EXT1: variants seen among roughly 807,000 people sequenced by gnomAD.
EXT1 encodes the protein exostosin-1.
Under a neutral mutation model 82.5 loss-of-function variants are expected in EXT1, and 20 were observed. That is an observed-to-expected ratio of 0.24 (90% CI 0.17 to 0.35). The LOEUF (loss-of-function observed/expected upper bound fraction) is 0.35, where lower values mean the gene tolerates loss of function less well. EXT1 is among the 10% of genes least tolerant of loss of function. The probability of loss-of-function intolerance (pLI) is 1.00; values close to 1 mark genes in which losing one functional copy is unlikely to be tolerated. For synonymous variants in EXT1, 348 were observed against 350.8 expected, an observed-to-expected ratio of 0.99 and a Z score of 0.09; for missense variants, 757 against 936.5, an observed-to-expected ratio of 0.81 and a Z score of 2.50.
chr8:117,853,373 C>T (rs10111573), intron 1 of EXT1, among the ~76,000 whole-genome samples: 14,319 of 152,074 alleles, frequency 0.094, 939 homozygotes, highest in African/African-American at 0.19. Context: ...GGTGAAACCC[C>T]CTCTCTACTA....
intron 1 of EXT1, among the ~76,000 whole-genome samples, chr8:117,974,673 C>T (rs1815029770): frequency 6.6e-6 from 1 of 152,168 alleles, no homozygotes; most frequent in Admixed American, 6.6e-5. Context: ...CATTGTGTTG[C>T]CCAGGCTGGT....
intron 1 of EXT1, among the ~76,000 whole-genome samples, chr8:117,964,042 C>T (rs1403522660): frequency 6.6e-6 from 1 of 152,126 alleles, no homozygotes; most frequent in Non-Finnish European, 1.5e-5. Context: ...ATAAAATATG[C>T]AGTATTAAGT....
chr8:117,944,109 A>T (rs1362238593), intron 1 of EXT1, among the ~76,000 whole-genome samples: 1 of 152,202 alleles, frequency 6.6e-6, no homozygotes, highest in Non-Finnish European at 1.5e-5. Context: ...ACTGTAAAAG[A>T]AGTGGAATCT....
intron 1 of EXT1, among the ~76,000 whole-genome samples, chr8:117,900,359 T>C (rs940295151): frequency 6.6e-6 from 1 of 152,226 alleles, no homozygotes; most frequent in African/African-American, 2.4e-5. Flanking sequence ...CCTCACATTG[T>C]TTTTAACAGC....
At chr8:118,004,328 T>C (rs564244064) in intron 1 of EXT1, among the ~76,000 whole-genome samples, 28 of 152,376 alleles carry the variant, frequency 1.8e-4, no homozygotes, top group African/African-American at 6.7e-4. Context: ...CATGTGGGTA[T>C]ATGCATATGT....
intron 1 of EXT1, among the ~76,000 whole-genome samples, chr8:117,939,263 C>A (rs1041136374): frequency 6.6e-6 from 1 of 152,146 alleles, no homozygotes; most frequent in Non-Finnish European, 1.5e-5. Flanking sequence ...GAAGCAGGTA[C>A]CACTGTTGTT....
chr8:117,979,941 T>C (rs1203593790), intron 1 of EXT1, among the ~76,000 whole-genome samples: 1 of 152,202 alleles, frequency 6.6e-6, no homozygotes, highest in Admixed American at 6.5e-5. Context: ...TGGGTTACTG[T>C]AGGTGTTATC....
intron 1 of EXT1, among the ~76,000 whole-genome samples, chr8:117,938,612 A>G (rs1264504492): frequency 6.6e-6 from 1 of 152,238 alleles, no homozygotes; most frequent in Non-Finnish European, 1.5e-5. Flanking sequence ...GCATCACAGA[A>G]AGTTCTCCTG....
Position 118,111,069 on chromosome 8 carries a change from A to G in EXT1, c.-23T>C. 1 of 1,571,006 alleles carries G rather than the reference A, an allele frequency of 6.4e-7. No individual in the cohort carries two copies. The highest frequency in any genetic ancestry group is 1.3e-5 in the African/African-American group (1 of 74,260). On this transcript the variant is annotated 5_prime_UTR_variant, in exon 1 of 11. Transcript: ENST00000378204. ...CATGTGTCCTGCCTGGGTCAAGAGGATTGTAAATAAACACAAGAATCACCC... is the reference window on the plus strand; with the variant it reads ...CATGTGTCCTGCCTGGGTCAAGAGGGTTGTAAATAAACACAAGAATCACCC...
intron 1 of EXT1, among the ~76,000 whole-genome samples, chr8:118,036,903 C>A (rs976312743): frequency 6.6e-6 from 1 of 152,082 alleles, no homozygotes; most frequent in Non-Finnish European, 1.5e-5. Context: ...TTCTCTTTTT[C>A]TTTTCTTCCC....
intron 7 of EXT1, among the ~76,000 whole-genome samples, chr8:117,813,475 C>A (rs1245001646): frequency 1.3e-5 from 2 of 149,004 alleles, no homozygotes; most frequent in Non-Finnish European, 3.0e-5. Flanking sequence ...GACACCCACT[C>A]TTCCCAACCG....
intron 1 of EXT1, among the ~76,000 whole-genome samples, chr8:118,004,698 C>T (rs986558935): frequency 2.0e-5 from 3 of 152,196 alleles, no homozygotes; most frequent in African/African-American, 7.2e-5. Context: ...ACATCACAAA[C>T]TCAGGAAATT....
intron 1 of EXT1, among the ~76,000 whole-genome samples, chr8:117,893,413 C>A (rs1397400467): frequency 6.6e-6 from 1 of 152,190 alleles, no homozygotes; most frequent in Non-Finnish European, 1.5e-5. Flanking sequence ...GTTGGATAAA[C>A]CTGTTCCATG....
intron 1 of EXT1, among the ~76,000 whole-genome samples, chr8:117,983,903 C>G (rs1586324721): frequency 1.3e-5 from 2 of 152,150 alleles, no homozygotes; most frequent in South Asian, 4.1e-4. Context: ...CCTGTTTCTC[C>G]CTCCTATTGG....
At chr8:117,934,686 T>C (rs377106536) in intron 1 of EXT1, among the ~76,000 whole-genome samples, 1 of 152,332 alleles carries the variant, frequency 6.6e-6, no homozygotes, top group East Asian at 1.9e-4. Flanking sequence ...GCCAGCTGGG[T>C]GCGCAAAGAA....
intron 3 of EXT1, among the ~76,000 whole-genome samples, chr8:117,832,514 C>A: frequency 6.9e-6 from 1 of 145,132 alleles, no homozygotes; most frequent in Non-Finnish European, 1.5e-5. Flanking sequence ...CAGAGCAAGA[C>A]TGTCTTAAAA....
intron 1 of EXT1, among the ~76,000 whole-genome samples, chr8:117,841,230 C>T (rs1812269282): frequency 6.6e-6 from 1 of 152,174 alleles, no homozygotes; most frequent in African/African-American, 2.4e-5. Flanking sequence ...CAATCCTTCT[C>T]AGCAATAAAG....
intron 1 of EXT1, among the ~76,000 whole-genome samples, chr8:118,026,242 TA>T (rs1251621814): frequency 6.6e-6 from 1 of 152,166 alleles, no homozygotes; most frequent in Non-Finnish European, 1.5e-5. Context: ...GTCCACAATG[TA>T]AGGGCTGGCT....
chr8:118,111,348 A>G lies in EXT1; in HGVS notation c.-302T>C. ...GGACTGTAATTTTCTTGCATGCAACAAGACGGAGGAAAAGAAAGAGAGAGG... is the reference window on the plus strand; with the variant it reads ...GGACTGTAATTTTCTTGCATGCAACGAGACGGAGGAAAAGAAAGAGAGAGG... On this transcript the variant is annotated 5_prime_UTR_variant, in exon 1 of 11. Coordinates refer to ENST00000378204, the MANE Select transcript of EXT1 (RefSeq NM_000127.3). 2 of 574,612 alleles carry G rather than the reference A, an allele frequency of 3.5e-6. No homozygotes were observed. Among genetic ancestry groups the G allele is most frequent in the South Asian group, 4.6e-5 (2 of 43,722 alleles). The allele number at this position is 574,612 out of a possible 1,614,324, so 35.6% of individuals were successfully genotyped here.
Sources: gnomAD v4.1 joint callset for allele counts (sites outside exome capture counted in the v4.1 genomes callset) on GRCh38, gnomAD v4.1.1 for gene constraint, MANE v1.5 for transcripts, NCBI Gene and HGNC (gene_info 2026-07-23, HGNC 2026-07-21) for gene names.